Variants in ATXN3 observed in about 807,000 individuals in gnomAD.
ATXN3 encodes the protein ataxin-3.
ATXN3 carries 28 observed loss-of-function variants against 58.2 expected under a neutral mutation model. The ratio of observed to expected loss-of-function variants is 0.48; its 90% CI spans 0.36 to 0.66. The LOEUF is 0.66. Ranked by LOEUF, ATXN3 falls within the 30% of genes least tolerant of loss-of-function variation. The probability of loss-of-function intolerance (pLI) is 0.00; values close to 1 mark genes in which losing one functional copy is unlikely to be tolerated. For synonymous variants in ATXN3, 113 were observed against 138.5 expected (o/e 0.82, Z 1.29); for missense variants, 321 against 422.1 (o/e 0.76, Z 2.10).
chr14:92,058,292 G>A (rs942815810), downstream of ATXN3: 2 of 152,194 alleles, frequency 1.3e-5, no homozygotes, highest in African/African-American at 2.4e-5. Flanking sequence ...AGTGTAGCCT[G>A]AAACTCTGCA....
chr14:92,071,573 G>T (rs531771761), intron 9 of ATXN3: 4 of 298,522 alleles, frequency 1.3e-5, no homozygotes, highest in South Asian at 1.2e-4. Context: ...CTCCAGCCTG[G>T]GCGACAGAGC....
At position 92,083,135 on chromosome 14, in the gene ATXN3, T is replaced by C; in HGVS notation, c.599A>G (p.Lys200Arg). Residue 200 changes from lysine to arginine, a missense_variant, in exon 7 of 11, where the codon AAA (lysine) becomes AGA (arginine). Coordinates refer to ENST00000644486, the MANE Select transcript of ATXN3 (RefSeq NM_004993.6). ...CAGGCCTCATTTTTACCTTTGCTCT[T>C]TTAGTTGTGCTAATTCTTCTCCAAT... ...KLIGEELAQL[K>R]EQRVHKTDLE... The C allele has an allele frequency of 1.2e-6, 2 of 1,609,948 alleles. No homozygotes were observed. The highest frequency in any genetic ancestry group is 1.7e-6 in the Non-Finnish European group (2 of 1,178,978).
chr14:92,056,428 TCA>T (rs1403083160), downstream of ATXN3, among the ~76,000 whole-genome samples: 1 of 152,228 alleles, frequency 6.6e-6, no homozygotes, highest in Non-Finnish European at 1.5e-5. Context: ...GGAATATTAT[TCA>T]GTTTTTAAAA....
chr14:92,048,722 G>A (rs2057437774), intron 1 of ATXN3, among the ~76,000 whole-genome samples: 1 of 152,086 alleles, frequency 6.6e-6, no homozygotes, highest in Non-Finnish European at 1.5e-5. Flanking sequence ...TGTGAGGAGG[G>A]GGTGATAAAA....
chr14:92,097,197 C>T (rs112044110), intron 1 of ATXN3, among the ~76,000 whole-genome samples: 562 of 151,710 alleles, frequency 3.7e-3, no homozygotes, highest in South Asian at 0.017. Flanking sequence ...GCGTGAGCCA[C>T]TGCGCCCGGC....
At chr14:92,074,270 T>C (rs2140448253) in intron 9 of ATXN3, among the ~76,000 whole-genome samples, 1 of 151,332 alleles carries the variant, frequency 6.6e-6, no homozygotes, top group South Asian at 2.1e-4. Context: ...GAGGCTGCAG[T>C]GAGCCGAGAT....
intron 6 of ATXN3, 89 bp from the exon 7 acceptor site, chr14:92,083,347 G>C: frequency 8.1e-7 from 1 of 1,238,008 alleles, no homozygotes; most frequent in Non-Finnish European, 1.1e-6. Flanking sequence ...AGGCAGCACA[G>C]AACACTGGAA....
chr14:92,093,546 CCA>C (rs1486302670), intron 4 of ATXN3, 198 bp downstream of exon 4: 2 of 631,976 alleles, frequency 3.2e-6, no homozygotes, highest in Non-Finnish European at 5.5e-6. Flanking sequence ...CTCTGTGCTG[CCA>C]CAGACACTGG....
chr14:92,096,888 G>T, intron 1 of ATXN3, 50 bp from the exon 2 acceptor site: 3 of 1,457,696 alleles, frequency 2.1e-6, no homozygotes, highest in Non-Finnish European at 2.9e-6. Flanking sequence ...AAACAGAATT[G>T]TATAGTATCT....
At chr14:92,092,695 A>G (rs1353674381) in intron 5 of ATXN3, among the ~76,000 whole-genome samples, 2 of 152,140 alleles carry the variant, frequency 1.3e-5, no homozygotes, top group African/African-American at 4.8e-5. Context: ...GTTAAATTGC[A>G]TATACTTGTC....
intron 10 of ATXN3, among the ~76,000 whole-genome samples, chr14:92,066,656 G>A (rs1358225361): frequency 6.9e-6 from 1 of 144,940 alleles, no homozygotes; most frequent in African/African-American, 2.6e-5. Flanking sequence ...CACCCAGGCT[G>A]GAGTACAGTG....
chr14:92,101,260 G>A (rs1046054615), intron 1 of ATXN3, among the ~76,000 whole-genome samples: 3 of 152,152 alleles, frequency 2.0e-5, no homozygotes, highest in African/African-American at 7.2e-5. Flanking sequence ...GAGCCCAGGA[G>A]TTCAAGGCTA....
intron 3 of ATXN3, among the ~76,000 whole-genome samples, chr14:92,094,638 T>C (rs2064742471): frequency 6.6e-6 from 1 of 152,176 alleles, no homozygotes; most frequent in African/African-American, 2.4e-5. Flanking sequence ...TTTATTTCAA[T>C]CTGTCTGACA....
At chr14:92,105,698 G>A (rs2068124394) in intron 1 of ATXN3, among the ~76,000 whole-genome samples, 1 of 152,162 alleles carries the variant, frequency 6.6e-6, no homozygotes, top group Non-Finnish European at 1.5e-5. Context: ...AATAGTATGA[G>A]AGAAACGAGG....
chr14:92,087,085 G>GGA (rs1388443694), intron 6 of ATXN3, among the ~76,000 whole-genome samples: 1 of 152,166 alleles, frequency 6.6e-6, no homozygotes, highest in Non-Finnish European at 1.5e-5. Flanking sequence ...GGTGTGTAAG[G>GGA]GAGAGGAAAG....
At chr14:92,075,310 G>T (rs566522339) in intron 9 of ATXN3, among the ~76,000 whole-genome samples, 1 of 151,896 alleles carries the variant, frequency 6.6e-6, no homozygotes, top group Non-Finnish European at 1.5e-5. Context: ...GATTACAGGC[G>T]CCCGCCACCA....
downstream of ATXN3, among the ~76,000 whole-genome samples, chr14:92,057,233 T>C (rs1412651493): frequency 1.3e-5 from 2 of 152,100 alleles, no homozygotes; most frequent in East Asian, 1.9e-4. Flanking sequence ...CTGGCCAACA[T>C]GGTGAAACCG....
intron 6 of ATXN3, among the ~76,000 whole-genome samples, chr14:92,087,651 G>A (rs1435259721): frequency 6.6e-6 from 1 of 152,188 alleles, no homozygotes; most frequent in Non-Finnish European, 1.5e-5. Flanking sequence ...GTTGAAGAAT[G>A]CAATGGAGTG....
intron 6 of ATXN3, 93 bp from the exon 7 acceptor site, chr14:92,083,351 A>T: frequency 8.2e-7 from 1 of 1,221,268 alleles, no homozygotes; most frequent in African/African-American, 1.5e-5. Flanking sequence ...AGCACAGAAC[A>T]CTGGAAAAAA....
Sources: allele counts gnomAD v4.1 joint callset (sites outside exome capture counted in the v4.1 genomes callset), GRCh38; gene constraint gnomAD v4.1.1; transcripts MANE v1.5; gene names NCBI Gene and HGNC (gene_info 2026-07-23, HGNC 2026-07-21).